Variants in RIN3 observed in about 807,000 individuals in gnomAD.
RIN3 encodes the protein Ras and Rab interactor 3, also known as RAB5 interacting protein 3.
RIN3 carries 54 observed loss-of-function variants against 76.3 expected under a neutral mutation model. The ratio of observed to expected loss-of-function variants is 0.71; its 90% CI spans 0.57 to 0.89. RIN3 has a LOEUF of 0.89. Among genes scored for constraint, RIN3 ranks in the 40% least tolerant of loss-of-function variants. RIN3 has a pLI of 0.00. For missense variants in RIN3, 1,256 were observed against 1,322.1 expected (o/e 0.95, Z 0.78); for synonymous variants, 576 against 564.0 (o/e 1.02, Z -0.30).
At chr14:92,558,010 A>T (rs1318864388) in intron 2 of RIN3, among the ~76,000 whole-genome samples, 2 of 152,204 alleles carry the variant, frequency 1.3e-5, no homozygotes, top group African/African-American at 4.8e-5. Context: ...AGCAAGCTGG[A>T]TGGGACATAG....
At chr14:92,619,750 T>C (rs1221726655) in intron 4 of RIN3, among the ~76,000 whole-genome samples, 2 of 152,180 alleles carry the variant, frequency 1.3e-5, no homozygotes, top group Non-Finnish European at 2.9e-5. Flanking sequence ...CTGCATGTTA[T>C]AATGGCGAAT....
At chr14:92,535,841 C>CTTTTT (rs35296189) in intron 1 of RIN3, among the ~76,000 whole-genome samples, 2 of 146,492 alleles carry the variant, frequency 1.4e-5, no homozygotes, top group African/African-American at 2.5e-5. Context: ...CGCCTGGCTA[C>CTTTTT]TTTTTTTTTT....
chr14:92,660,275 G>A (rs572807590), intron 7 of RIN3, among the ~76,000 whole-genome samples: 1 of 152,186 alleles, frequency 6.6e-6, no homozygotes, highest in African/African-American at 2.4e-5. Context: ...GGTCAGAGGT[G>A]GGCCAGTTGG....
intron 4 of RIN3, among the ~76,000 whole-genome samples, chr14:92,624,986 C>T (rs1056264578): frequency 1.3e-5 from 2 of 152,100 alleles, no homozygotes; most frequent in Non-Finnish European, 1.5e-5. Context: ...TTATTGAGGC[C>T]GTAGTCTCCG....
chr14:92,534,034 A>G (rs1460764322), intron 1 of RIN3, among the ~76,000 whole-genome samples: 1 of 152,168 alleles, frequency 6.6e-6, no homozygotes. Context: ...AAACCCCACC[A>G]GCCAAAAATA....
At chr14:92,659,139 T>C in intron 6 of RIN3, 22 bp from the exon 7 acceptor site, 1 of 1,612,736 alleles carries the variant, frequency 6.2e-7, no homozygotes, top group Non-Finnish European at 8.5e-7. Context: ...TTCCTCACCC[T>C]CGCTCTCTTG....
rs751948238 is a variant in RIN3, at chr14:92,651,624, A to G, written c.575A>G (p.Lys192Arg). The G allele has an allele frequency of 6.8e-6, 11 of 1,611,370 alleles. No homozygotes were observed. The South Asian group carries it at 7.7e-5, about 11-fold the overall frequency. ...SSLNPPQERG[K>R]PAEPPRDRAP... The stretch of plus-strand genomic sequence containing the variant: ...CTGAATCCTCCACAAGAAAGAGGGA[A>G]GCCAGCAGAGCCCCCAAGAGACCGG... Residue 192 changes from lysine (K) to arginine (R), a missense_variant, in exon 6 of 10, where the codon AAG (lysine) becomes AGG (arginine). Lys to Arg is a conservative substitution (Grantham distance 26). This residue lies in a region of RIN3 where 610 missense variants were observed against 626.4 expected (regional missense o/e 0.97). Coordinates refer to ENST00000216487, the MANE Select transcript of RIN3 (RefSeq NM_024832.5).
At chr14:92,526,093 G>A (rs966333578) in intron 1 of RIN3, among the ~76,000 whole-genome samples, 43 of 152,166 alleles carry the variant, frequency 2.8e-4, no homozygotes, top group African/African-American at 1.0e-3. Context: ...TGACCAGATA[G>A]CAGAGGCTCT....
intron 7 of RIN3, among the ~76,000 whole-genome samples, chr14:92,661,110 C>T (rs535152486): frequency 1.3e-5 from 2 of 152,296 alleles, no homozygotes; most frequent in East Asian, 1.9e-4. Context: ...ACCCTAAGAC[C>T]GCTAATGGTT....
At chr14:92,539,010 C>T (rs1455336138) in intron 1 of RIN3, among the ~76,000 whole-genome samples, 2 of 152,076 alleles carry the variant, frequency 1.3e-5, no homozygotes, top group African/African-American at 4.8e-5. Context: ...CAGAGATGGC[C>T]TCAGCTCATC....
In RIN3 at chr14:92,688,515, C is replaced by A; in HGVS notation, c.*263C>A. On this transcript the variant is annotated 3_prime_UTR_variant, in exon 10 of 10. Transcript: ENST00000216487. Reference sequence around the variant, plus strand: ...GGGAAACTGAGGCTCAGGAGAGAGGCGCTCCAGGCCGCTGCAGCCAACAAA... The same window carrying A: ...GGGAAACTGAGGCTCAGGAGAGAGGAGCTCCAGGCCGCTGCAGCCAACAAA... 1.9e-6 allele frequency: 1 copy of A among 515,662 alleles called. No homozygotes were observed. The highest frequency in any genetic ancestry group is 2.7e-5 in the South Asian group (1 of 37,126). 31.9% of individuals were successfully genotyped at this position (515,662 alleles called of 1,614,324 possible). A position where few individuals can be genotyped will look rare whatever the true frequency, so the allele number is the denominator to read the frequency against.
chr14:92,632,604 T>C (rs1225908342), intron 4 of RIN3, among the ~76,000 whole-genome samples: 2 of 152,166 alleles, frequency 1.3e-5, no homozygotes, highest in South Asian at 2.1e-4. Context: ...TCTGAGCCAA[T>C]TGGAACCCAA....
In RIN3 at chr14:92,608,042, A is replaced by T. The variant is rs73328400; in HGVS notation, c.368-7365A>T. 4.7e-3 allele frequency among the ~76,000 whole-genome samples: 717 copies of T among 152,338 alleles called. 6 individuals are homozygous for T. Among genetic ancestry groups the T allele is most frequent in the African/African-American group, 0.017 (694 of 41,576 alleles). Reference sequence around the variant, plus strand: ...AGGGGGTAGATGTGGCTATGAAGGGATAGCACAAGGGAGCTCTGTGGTGTT... The same window carrying T: ...AGGGGGTAGATGTGGCTATGAAGGGTTAGCACAAGGGAGCTCTGTGGTGTT... On this transcript the variant is annotated intron_variant, in intron 3 of 9. Coordinates refer to ENST00000216487, the MANE Select transcript of RIN3 (RefSeq NM_024832.5).
chr14:92,520,212 C>T (rs1896558363), intron 1 of RIN3, among the ~76,000 whole-genome samples: 2 of 152,254 alleles, frequency 1.3e-5, no homozygotes, highest in African/African-American at 2.4e-5. Context: ...TGGTTGTGGT[C>T]AAGGCCTGTT....
At chr14:92,675,526 T>G (rs1171249155) in intron 7 of RIN3, among the ~76,000 whole-genome samples, 1 of 152,234 alleles carries the variant, frequency 6.6e-6, no homozygotes, top group African/African-American at 2.4e-5. Context: ...TCTGGAGACC[T>G]TTGCCTGAGC....
At chr14:92,657,471 C>T (rs747255397) in intron 6 of RIN3, among the ~76,000 whole-genome samples, 1 of 152,136 alleles carries the variant, frequency 6.6e-6, no homozygotes, top group Non-Finnish European at 1.5e-5. Context: ...ACAGTCCTGA[C>T]GTGAGGCTGC....
intron 1 of RIN3, among the ~76,000 whole-genome samples, chr14:92,518,522 C>T (rs1157573973): frequency 6.6e-6 from 1 of 152,220 alleles, no homozygotes; most frequent in Non-Finnish European, 1.5e-5. Flanking sequence ...CCACACTCCT[C>T]TCCAAGTCTG....
At chr14:92,549,549 C>T (rs1006273753) in intron 1 of RIN3, among the ~76,000 whole-genome samples, 5 of 152,218 alleles carry the variant, frequency 3.3e-5, no homozygotes, top group Non-Finnish European at 7.3e-5. Context: ...GTGGAGCTTC[C>T]CTCTTCTACT....
At chr14:92,599,873 A>C (rs1235411775) in intron 3 of RIN3, among the ~76,000 whole-genome samples, 1 of 152,162 alleles carries the variant, frequency 6.6e-6, no homozygotes, top group Non-Finnish European at 1.5e-5. Flanking sequence ...TTTGAGTTAG[A>C]TGACCAGCTA....
Sources: gnomAD v4.1 joint callset for allele counts (sites outside exome capture counted in the v4.1 genomes callset) on GRCh38, gnomAD v4.1.1 for gene constraint, gnomAD v4.1.1 regional missense constraint, MANE v1.5 for transcripts, NCBI Gene and HGNC (gene_info 2026-07-23, HGNC 2026-07-21) for gene names.